MALT1: variants seen among roughly 807,000 people sequenced by gnomAD.
MALT1 encodes the protein mucosa-associated lymphoid tissue lymphoma translocation protein 1.
MALT1 carries 36 observed loss-of-function variants against 85.5 expected under a neutral mutation model. The observed-to-expected ratio is 0.42, with a 90% CI of 0.32 to 0.56. The LOEUF (loss-of-function observed/expected upper bound fraction) is 0.56. Ranked by LOEUF, MALT1 falls within the 20% of genes least tolerant of loss-of-function variation. The pLI, the probability that MALT1 is intolerant of heterozygous loss-of-function variation, is 0.10. For missense variants in MALT1, 716 were observed against 981.6 expected, an observed-to-expected ratio of 0.73 and a Z score of 3.62; for synonymous variants, 359 against 361.3, an observed-to-expected ratio of 0.99 and a Z score of 0.07.
intron 10 of MALT1, among the ~76,000 whole-genome samples, chr18:58,731,367 T>G (rs2055146655): frequency 6.6e-6 from 1 of 152,272 alleles, no homozygotes; most frequent in Admixed American, 6.5e-5. Flanking sequence ...GTCTTTTCAC[T>G]TTACCTGATC....
intron 2 of MALT1, 101 bp from the exon 3 acceptor site, chr18:58,696,265 C>A: frequency 2.1e-6 from 2 of 934,754 alleles, no homozygotes; most frequent in Non-Finnish European, 2.9e-6. Flanking sequence ...GATAAATATG[C>A]AAGTTATTTC....
chr18:58,710,917 CAAGG>C lies in MALT1; in HGVS notation c.926_929del (p.Gly309GlufsTer13). On this transcript the variant is annotated splice_acceptor_variant and splice_polypyrimidine_tract_variant and coding_sequence_variant and intron_variant, in exon 7 of 17. Transcript: ENST00000649217. LOFTEE classifies it high-confidence loss of function. ...ATATTCAAATTTGTTTTTTCTGAAA[CAAGG>C]AAGAACAGATGAGGCAGTGGAGTGC... The C allele has an allele frequency of 1.5e-5, 24 of 1,582,824 alleles. No homozygotes were observed. The highest frequency in any genetic ancestry group is 9.3e-5 in the South Asian group (8 of 85,638).
chr18:58,689,273 A>AG (rs1555683462), intron 2 of MALT1, among the ~76,000 whole-genome samples: 4 of 151,376 alleles, frequency 2.6e-5, no homozygotes, highest in African/African-American at 9.7e-5. Context: ...AAAAAAAAAA[A>AG]GTCTCAGAGA....
In MALT1 at chr18:58,733,112, C is replaced by T. The variant is rs571768593; in HGVS notation, c.1223-285C>T. Among the ~76,000 whole-genome samples, 21 of 152,102 alleles carry T rather than the reference C, an allele frequency of 1.4e-4. No individual in the cohort carries two copies. In the South Asian group the frequency reaches 4.4e-3, roughly 32 times the overall value. ...TTTTAGGAGAGATGGGGTTTCACCA[C>T]GTTGGCCAGGCTGGTTTCGAACCCC... On this transcript the variant is annotated intron_variant, in intron 10 of 16. Coordinates refer to ENST00000649217, the MANE Select transcript of MALT1 (RefSeq NM_006785.4).
intron 8 of MALT1, among the ~76,000 whole-genome samples, chr18:58,715,212 CT>C (rs1191172687): frequency 1.3e-5 from 2 of 152,124 alleles, no homozygotes; most frequent in Non-Finnish European, 2.9e-5. Flanking sequence ...TCTTGCTTTT[CT>C]TTAATGAACA....
In MALT1 at chr18:58,752,241, C is replaced by T. The variant is rs573967231; in HGVS notation, c.*4399C>T. The T allele has an allele frequency of 4.6e-5, 7 of 152,158 alleles. No homozygotes were observed. The highest frequency in any genetic ancestry group is 5.9e-5 in the Non-Finnish European group (4 of 68,034). The allele number at this position is 152,158 out of a possible 1,614,324, so 9.4% of individuals were successfully genotyped here. On this transcript the variant is annotated 3_prime_UTR_variant, in exon 17 of 17. Coordinates refer to ENST00000649217, the MANE Select transcript of MALT1 (RefSeq NM_006785.4). ...CTCAAACACCTGTCTTCAAGTGATC[C>T]TCCTGCCTCAGCAGCATCAGTTTAA... is the stretch of plus-strand genomic sequence containing the variant.
intron 1 of MALT1, among the ~76,000 whole-genome samples, chr18:58,680,169 A>G (rs1023139668): frequency 2.0e-5 from 3 of 152,258 alleles, no homozygotes; most frequent in Admixed American, 2.0e-4. Context: ...ATACCTTTTC[A>G]GAGTTTACTC....
chr18:58,729,245 T>C (rs1341438321), intron 10 of MALT1, among the ~76,000 whole-genome samples: 2 of 152,060 alleles, frequency 1.3e-5, no homozygotes, highest in Admixed American at 6.6e-5. Flanking sequence ...ATCCCAGCAC[T>C]TTGGGAGGCC....
intron 4 of MALT1, among the ~76,000 whole-genome samples, chr18:58,705,804 T>G (rs546733442): frequency 7.4e-4 from 112 of 152,270 alleles, no homozygotes; most frequent in Admixed American, 1.2e-3. Flanking sequence ...TGTGTCTTCA[T>G]AGCAGCATGA....
intron 4 of MALT1, among the ~76,000 whole-genome samples, chr18:58,704,292 G>A (rs2054714442): frequency 6.6e-6 from 1 of 152,140 alleles, no homozygotes; most frequent in Non-Finnish European, 1.5e-5. Context: ...ACCACCAACA[G>A]CGTATAAGAT....
intron 4 of MALT1, among the ~76,000 whole-genome samples, chr18:58,701,243 A>T (rs1416856755): frequency 6.6e-6 from 1 of 151,900 alleles, no homozygotes; most frequent in Non-Finnish European, 1.5e-5. Flanking sequence ...TTCATGTTCC[A>T]TTACTCTGCC....
intron 13 of MALT1, among the ~76,000 whole-genome samples, chr18:58,735,693 G>A (rs547932733): frequency 1.2e-4 from 18 of 151,970 alleles, no homozygotes; most frequent in Non-Finnish European, 2.2e-4. Flanking sequence ...GCATGGAGGG[G>A]TGGTGGGGAA....
chr18:58,745,946 C>T (rs77762025), intron 16 of MALT1, among the ~76,000 whole-genome samples, 155 bp downstream of exon 16: 8,153 of 152,164 alleles, frequency 0.054, 348 homozygotes, highest in East Asian at 0.22. Flanking sequence ...ATTCTGTTTC[C>T]GATGGTGACC....
intron 3 of MALT1, among the ~76,000 whole-genome samples, chr18:58,698,308 G>A (rs1391646370): frequency 2.0e-5 from 3 of 151,898 alleles, no homozygotes; most frequent in African/African-American, 4.8e-5. Context: ...CTCGTGATCC[G>A]CCTGCCTCAG....
At chr18:58,685,701 A>G (rs999039633) in intron 2 of MALT1, among the ~76,000 whole-genome samples, 3 of 152,292 alleles carry the variant, frequency 2.0e-5, no homozygotes, top group South Asian at 4.1e-4. Context: ...TCCACTGCAC[A>G]TGGGTTGGCC....
chr18:58,705,163 C>A (rs994874796), intron 4 of MALT1, among the ~76,000 whole-genome samples: 4 of 151,968 alleles, frequency 2.6e-5, no homozygotes, highest in Non-Finnish European at 5.9e-5. Flanking sequence ...TTGTAGTAAA[C>A]CTTCTACATA....
intron 6 of MALT1, among the ~76,000 whole-genome samples, chr18:58,710,614 G>A (rs1306648537): frequency 1.3e-5 from 2 of 152,096 alleles, no homozygotes; most frequent in Non-Finnish European, 2.9e-5. Flanking sequence ...TTCAGGCTGG[G>A]AGGTTGAATT....
At chr18:58,682,352 C>T (rs2054335263) in intron 2 of MALT1, among the ~76,000 whole-genome samples, 1 of 152,178 alleles carries the variant, frequency 6.6e-6, no homozygotes, top group South Asian at 2.1e-4. Flanking sequence ...AAAGAGAATA[C>T]ATTTCTCCTT....
intron 1 of MALT1, among the ~76,000 whole-genome samples, chr18:58,677,779 T>C (rs534612623): frequency 6.6e-6 from 1 of 152,326 alleles, no homozygotes; most frequent in Admixed American, 6.5e-5. Flanking sequence ...ACTTGTGATA[T>C]GATGATTCAC....
Sources: allele counts gnomAD v4.1 joint callset (sites outside exome capture counted in the v4.1 genomes callset), GRCh38; gene constraint gnomAD v4.1.1; transcripts MANE v1.5; gene names NCBI Gene and HGNC (gene_info 2026-07-23, HGNC 2026-07-21).